Variants in COP1 observed in about 807,000 individuals in gnomAD.
COP1 encodes COP1 E3 ubiquitin ligase.
In COP1, 24 loss-of-function variants were observed where a neutral mutation model predicts 101.3. The ratio of observed to expected loss-of-function variants is 0.24; its 90% CI spans 0.17 to 0.33. COP1 has a LOEUF of 0.33. Among genes scored for constraint, COP1 ranks in the 10% least tolerant of loss-of-function variants. COP1 has a pLI of 1.00. For missense variants in COP1, 663 were observed against 906.2 expected, an observed-to-expected ratio of 0.73 and a Z score of 3.45; for synonymous variants, 347 against 341.9, an observed-to-expected ratio of 1.01 and a Z score of -0.17.
intron 6 of COP1, among the ~76,000 whole-genome samples, chr1:176,143,444 T>TA (rs1035048063): frequency 7.9e-5 from 12 of 152,138 alleles, no homozygotes; most frequent in African/African-American, 2.4e-4. Context: ...AAGATGTTCT[T>TA]AGACTACACA....
At chr1:176,083,461 A>G (rs2481646) in intron 10 of COP1, among the ~76,000 whole-genome samples, 41,140 of 152,090 alleles carry the variant, frequency 0.27, 6,639 homozygotes, top group East Asian at 0.49. Context: ...AATTGATTTT[A>G]ACTTATGAGG....
At chr1:176,113,740 A>G (rs1381058975) in intron 9 of COP1, among the ~76,000 whole-genome samples, 1 of 152,202 alleles carries the variant, frequency 6.6e-6, no homozygotes, top group East Asian at 1.9e-4. Flanking sequence ...AACAACTTAA[A>G]GGATTAAGGC....
At chr1:176,103,279 G>A (rs1162248924) in intron 9 of COP1, among the ~76,000 whole-genome samples, 1 of 152,174 alleles carries the variant, frequency 6.6e-6, no homozygotes, top group Non-Finnish European at 1.5e-5. Flanking sequence ...AAAGCCTTAG[G>A]ATAAGGCTGG....
chr1:176,106,477 T>C (rs904966430), intron 9 of COP1, among the ~76,000 whole-genome samples: 1 of 152,250 alleles, frequency 6.6e-6, no homozygotes, highest in African/African-American at 2.4e-5. Context: ...AGCTGGAGGC[T>C]ACAAGATTCT....
At chr1:176,022,725 A>G (rs1666961286) in intron 15 of COP1, among the ~76,000 whole-genome samples, 1 of 146,056 alleles carries the variant, frequency 6.8e-6, no homozygotes, top group South Asian at 2.3e-4. Flanking sequence ...TGCTGATACT[A>G]TCCCCTGCTT....
intron 1 of COP1, among the ~76,000 whole-genome samples, chr1:176,190,531 A>G (rs1162226978): frequency 5.6e-5 from 1 of 18,018 alleles, no homozygotes; most frequent in East Asian, 0.019. Context: ...GGGACATTTA[A>G]AAAAAAAAAA....
At chr1:176,097,670 A>G (rs1024544422) in intron 9 of COP1, among the ~76,000 whole-genome samples, 1 of 152,128 alleles carries the variant, frequency 6.6e-6, no homozygotes, top group African/African-American at 2.4e-5. Context: ...GGAGTTCAAG[A>G]CCAGCCTGGC....
chr1:176,116,033 A>AT (rs879381995), intron 9 of COP1, among the ~76,000 whole-genome samples: 2 of 152,082 alleles, frequency 1.3e-5, no homozygotes, highest in African/African-American at 4.8e-5. Context: ...ATTATTCATA[A>AT]TTTTTTTCCT....
At chr1:175,986,799 C>T (rs1002506886) in intron 18 of COP1, 144 bp downstream of exon 18, 6 of 579,032 alleles carry the variant, frequency 1.0e-5, no homozygotes, top group African/African-American at 7.6e-5. Context: ...CCTAAAATGC[C>T]TATTGTCTTT....
intron 11 of COP1, among the ~76,000 whole-genome samples, chr1:176,049,178 C>CAAAAAAA (rs61267982): frequency 2.5e-5 from 3 of 118,372 alleles, no homozygotes; most frequent in South Asian, 2.8e-4. Context: ...GACTCCGTCT[C>CAAAAAAA]AAAAAAAAAA....
chr1:175,950,241 T>A (rs1345795845), intron 18 of COP1, among the ~76,000 whole-genome samples: 2 of 151,726 alleles, frequency 1.3e-5, no homozygotes, highest in Non-Finnish European at 2.9e-5. Context: ...AACATACGAA[T>A]TGAATGCCAG....
At chr1:175,973,921 C>G (rs1029567097) in intron 18 of COP1, among the ~76,000 whole-genome samples, 1 of 152,090 alleles carries the variant, frequency 6.6e-6, no homozygotes, top group South Asian at 2.1e-4. Flanking sequence ...ACCCAGCATT[C>G]GGTGTTTGAG....
chr1:176,166,644 A>G (rs1695199625), intron 3 of COP1, among the ~76,000 whole-genome samples: 1 of 152,048 alleles, frequency 6.6e-6, no homozygotes, highest in African/African-American at 2.4e-5. Flanking sequence ...TTCTTGAAAA[A>G]CGATATCCTA....
In COP1 at chr1:176,206,896, G is replaced by A. The variant is rs908928086; in HGVS notation, c.83C>T (p.Ser28Phe). ...CGACGGGGAAGAGGATAAAGACGAG[G>A]AGGCGGAAGTCACCGAGGAGGCCGC... ...SSAASSVTSA[S>F]SSLSSSPSPP... Residue 28 changes from serine (S) to phenylalanine (F), a missense_variant, in exon 1 of 20, where the codon TCC (serine) becomes TTC (phenylalanine). Around this residue, in one of 4 missense-constraint regions of COP1, gnomAD observed 204 missense variants for 203.6 expected, o/e 1.00. Transcript: ENST00000367669. 4.3e-5 allele frequency: 63 copies of A among 1,465,710 alleles called. No homozygotes were observed. The highest frequency in any genetic ancestry group is 3.1e-4 in the African/African-American group (21 of 68,278). 90.8% of individuals were successfully genotyped at this position (1,465,710 alleles called of 1,614,324 possible). A position where few individuals can be genotyped will look rare whatever the true frequency, so the allele number is the denominator to read the frequency against.
At chr1:176,094,386 TA>T (rs1042528738) in intron 9 of COP1, among the ~76,000 whole-genome samples, 5 of 151,360 alleles carry the variant, frequency 3.3e-5, no homozygotes, top group African/African-American at 9.7e-5. Context: ...AATATTAATA[TA>T]AAAAATAGAA....
intron 3 of COP1, among the ~76,000 whole-genome samples, chr1:176,165,375 T>G (rs1430332494): frequency 1.4e-5 from 2 of 145,690 alleles, no homozygotes; most frequent in Non-Finnish European, 3.0e-5. Context: ...TGTGTGTGTG[T>G]GTGTGTGTGT....
intron 2 of COP1, among the ~76,000 whole-genome samples, chr1:176,177,659 C>A (rs1406778753): frequency 6.6e-6 from 1 of 152,014 alleles, no homozygotes; most frequent in East Asian, 1.9e-4. Flanking sequence ...AAAAATCATT[C>A]CCACAGAGAA....
At chr1:176,163,026 T>C (rs201734386) in intron 4 of COP1, 38 bp from the exon 5 acceptor site, 2 of 1,585,194 alleles carry the variant, frequency 1.3e-6, no homozygotes, top group South Asian at 1.2e-5. Context: ...CAACTTCCTA[T>C]GAAGACTGTT....
intron 1 of COP1, among the ~76,000 whole-genome samples, chr1:176,203,623 AAATGTATCC>A (rs762747792): frequency 1.5e-4 from 23 of 152,230 alleles, no homozygotes; most frequent in Non-Finnish European, 2.5e-4. Flanking sequence ...TGAATGTTGA[AAATGTATCC>A]AATGTCAAGC....
Sources: allele counts gnomAD v4.1 joint callset (sites outside exome capture counted in the v4.1 genomes callset), GRCh38; gene constraint gnomAD v4.1.1; regional missense constraint gnomAD v4.1.1; transcripts MANE v1.5; gene names NCBI Gene and HGNC (gene_info 2026-07-23, HGNC 2026-07-21).